Variants in GABRB3 observed in about 807,000 individuals in gnomAD.
The protein encoded by GABRB3 is gamma-aminobutyric acid type A receptor subunit beta3.
In GABRB3, 14 loss-of-function variants were observed where a neutral mutation model predicts 52.1. The observed-to-expected ratio is 0.27, with a 90% CI of 0.18 to 0.42. The LOEUF (loss-of-function observed/expected upper bound fraction) is 0.42, where lower values mean the gene tolerates loss of function less well. Ranked by LOEUF, GABRB3 falls within the 10% of genes least tolerant of loss-of-function variation. The pLI, the probability that GABRB3 is intolerant of heterozygous loss-of-function variation, is 1.00. For missense variants in GABRB3, 307 were observed against 609.1 expected (o/e 0.50, Z 5.22); for synonymous variants, 260 against 232.3 (o/e 1.12, Z -1.08).
At chr15:26,742,628 ATG>A (rs1331961011) in intron 3 of GABRB3, among the ~76,000 whole-genome samples, 1 of 152,200 alleles carries the variant, frequency 6.6e-6, no homozygotes, top group African/African-American at 2.4e-5. Flanking sequence ...CCATGTATGA[ATG>A]TGTCTGCTAC....
intron 3 of GABRB3, among the ~76,000 whole-genome samples, chr15:26,676,699 A>C (rs186952763): frequency 6.6e-6 from 1 of 152,206 alleles, no homozygotes; most frequent in African/African-American, 2.4e-5. Flanking sequence ...CATCTCCATC[A>C]GGCTTAAAAT....
chr15:26,769,205 C>T (rs1277165748), intron 3 of GABRB3, among the ~76,000 whole-genome samples: 6 of 152,272 alleles, frequency 3.9e-5, no homozygotes, highest in East Asian at 1.9e-4. Context: ...TTTTGAGATA[C>T]GTGTGTTTTT....
At chr15:26,659,725 AAGG>A (rs1262760227) in intron 3 of GABRB3, among the ~76,000 whole-genome samples, 2 of 152,164 alleles carry the variant, frequency 1.3e-5, no homozygotes, top group Admixed American at 6.5e-5. Context: ...TTTGTCAAGA[AAGG>A]AGTAGTTTAT....
At chr15:26,597,532 T>C (rs949873389) in intron 4 of GABRB3, among the ~76,000 whole-genome samples, 2 of 152,146 alleles carry the variant, frequency 1.3e-5, no homozygotes, top group African/African-American at 4.8e-5. Context: ...TGCACACACA[T>C]GAGCTACATG....
intron 3 of GABRB3, among the ~76,000 whole-genome samples, chr15:26,751,600 T>C (rs1317753074): frequency 6.6e-6 from 1 of 151,852 alleles, no homozygotes; most frequent in Non-Finnish European, 1.5e-5. Context: ...AAAGCACCCT[T>C]AAAAAAATCA....
intron 3 of GABRB3, among the ~76,000 whole-genome samples, chr15:26,759,762 T>C (rs1292505573): frequency 2.6e-5 from 4 of 152,154 alleles, no homozygotes; most frequent in Admixed American, 2.6e-4. Context: ...GATTAAAAAA[T>C]GGTGCATGAA....
At chr15:26,742,462 C>T (rs1005787093) in intron 3 of GABRB3, among the ~76,000 whole-genome samples, 8 of 151,376 alleles carry the variant, frequency 5.3e-5, no homozygotes, top group Admixed American at 5.3e-4. Context: ...TATGTTTTCT[C>T]CCAAGTCCTT....
At chr15:26,722,369 A>T (rs1889664921) in intron 3 of GABRB3, among the ~76,000 whole-genome samples, 1 of 152,144 alleles carries the variant, frequency 6.6e-6, no homozygotes. Context: ...TGCAGGACTA[A>T]AACATTTCAC....
At chr15:26,715,269 G>C (rs1889432233) in intron 3 of GABRB3, among the ~76,000 whole-genome samples, 1 of 152,080 alleles carries the variant, frequency 6.6e-6, no homozygotes, top group African/African-American at 2.4e-5. Flanking sequence ...AAAAATCTGA[G>C]AGACAGCAGA....
chr15:26,748,058 C>G (rs912922611), intron 3 of GABRB3, among the ~76,000 whole-genome samples: 3 of 147,980 alleles, frequency 2.0e-5, no homozygotes, highest in Non-Finnish European at 4.4e-5. Context: ...CCTTGCACAC[C>G]TGGAATAAAT....
At chr15:26,597,629 A>T (rs1891442351) in intron 4 of GABRB3, among the ~76,000 whole-genome samples, 1 of 152,216 alleles carries the variant, frequency 6.6e-6, no homozygotes, top group Non-Finnish European at 1.5e-5. Context: ...ACCATGAAGG[A>T]TACATTCTTA....
intron 3 of GABRB3, among the ~76,000 whole-genome samples, chr15:26,745,137 C>A (rs1002489911): frequency 2.0e-5 from 3 of 152,134 alleles, no homozygotes; most frequent in Non-Finnish European, 1.5e-5. Flanking sequence ...CACTCACTAA[C>A]AGCCATGAGG....
intron 6 of GABRB3, among the ~76,000 whole-genome samples, chr15:26,578,071 A>C (rs968639225): frequency 2.0e-5 from 3 of 152,188 alleles, no homozygotes; most frequent in Admixed American, 2.0e-4. Flanking sequence ...ACAGGTGTGA[A>C]CCACTGTGCC....
intron 3 of GABRB3, among the ~76,000 whole-genome samples, chr15:26,696,423 CCGATGA>C (rs531923617): frequency 2.0e-3 from 301 of 152,062 alleles, no homozygotes; most frequent in African/African-American, 7.0e-3. Context: ...AAACTGAGGC[CCGATGA>C]CGTAGAGCAG....
intron 6 of GABRB3, among the ~76,000 whole-genome samples, chr15:26,574,795 T>C (rs1890535321): frequency 6.6e-6 from 1 of 152,182 alleles, no homozygotes; most frequent in African/African-American, 2.4e-5. Context: ...ATAAAAATAT[T>C]CTAAAATTGA....
intron 3 of GABRB3, among the ~76,000 whole-genome samples, chr15:26,629,383 C>T (rs985738262): frequency 6.6e-6 from 1 of 152,198 alleles, no homozygotes; most frequent in Non-Finnish European, 1.5e-5. Flanking sequence ...AGAACCTCGC[C>T]CTGGGAGGGT....
At chr15:26,697,676 C>T (rs1555377037) in intron 3 of GABRB3, among the ~76,000 whole-genome samples, 1 of 152,090 alleles carries the variant, frequency 6.6e-6, no homozygotes, top group Non-Finnish European at 1.5e-5. Context: ...CCAATGTGTC[C>T]CCTGTCCCCT....
At chr15:26,599,165 G>A (rs1891497378) in intron 4 of GABRB3, among the ~76,000 whole-genome samples, 1 of 152,184 alleles carries the variant, frequency 6.6e-6, no homozygotes, top group Non-Finnish European at 1.5e-5. Flanking sequence ...GGCTAGACTA[G>A]CTTAAACCAG....
At chr15:26,623,029 G>C (rs1892545089) in intron 3 of GABRB3, among the ~76,000 whole-genome samples, 1 of 152,144 alleles carries the variant, frequency 6.6e-6, no homozygotes, top group South Asian at 2.1e-4. Flanking sequence ...TGTGGGCACA[G>C]CTCTGTGCCT....
Sources: gnomAD v4.1 joint callset for allele counts (sites outside exome capture counted in the v4.1 genomes callset) on GRCh38, gnomAD v4.1.1 for gene constraint, MANE v1.5 for transcripts, NCBI Gene and HGNC (gene_info 2026-07-23, HGNC 2026-07-21) for gene names.